The following GALNT18 variants were observed in gnomAD, a reference collection of about 807,000 sequenced individuals.
GALNT18 encodes GalNAc-transferase 18.
In GALNT18, 44 loss-of-function variants were observed where a neutral mutation model predicts 69.5. That is an observed-to-expected ratio of 0.63 (90% CI 0.50 to 0.81). The LOEUF is 0.81. Among genes scored for constraint, GALNT18 ranks in the 40% least tolerant of loss-of-function variants. The pLI is 0.00. For synonymous variants in GALNT18, 364 were observed against 318.2 expected (o/e 1.14, Z -1.53); for missense variants, 715 against 810.0 (o/e 0.88, Z 1.42).
intron 7 of GALNT18, among the ~76,000 whole-genome samples, chr11:11,334,253 A>C (rs116860983): frequency 0.038 from 5,735 of 152,196 alleles, 156 homozygotes; most frequent in South Asian, 0.083. Flanking sequence ...GTGAAAACAC[A>C]ATTTAGGGGC....
At chr11:11,460,565 C>A (rs1856016919) in intron 1 of GALNT18, among the ~76,000 whole-genome samples, 1 of 152,204 alleles carries the variant, frequency 6.6e-6, no homozygotes, top group African/African-American at 2.4e-5. Context: ...TCCTCCCTGA[C>A]CTTGAAGCCC....
At chr11:11,417,853 G>A (rs1475746995) in intron 3 of GALNT18, among the ~76,000 whole-genome samples, 2 of 152,166 alleles carry the variant, frequency 1.3e-5, no homozygotes, top group African/African-American at 2.4e-5. Context: ...GAGCCTCAGC[G>A]TTCTCATCTG....
intron 1 of GALNT18, among the ~76,000 whole-genome samples, chr11:11,593,207 T>A (rs1461900312): frequency 6.6e-6 from 1 of 152,242 alleles, no homozygotes; most frequent in African/African-American, 2.4e-5. Flanking sequence ...CAGCTCCCTT[T>A]AGGCAAGACG....
intron 10 of GALNT18, among the ~76,000 whole-genome samples, chr11:11,278,804 ATAAT>A (rs1849003648): frequency 1.3e-5 from 2 of 152,218 alleles, no homozygotes; most frequent in Admixed American, 6.5e-5. Context: ...CAGGGTAACT[ATAAT>A]TAATAATAAT....
rs1232671446 is a variant in GALNT18 at position 11,573,784 on chromosome 11, C to G, written c.235+47575G>C. The G allele has an allele frequency of 6.6e-6, 1 of 152,336 alleles. No individual in the cohort carries two copies. Among genetic ancestry groups the G allele is most frequent in the Non-Finnish European group, 1.5e-5 (1 of 68,130 alleles). 9.4% of individuals were successfully genotyped at this position (152,336 alleles called of 1,614,324 possible). On this transcript the variant is annotated intron_variant, in intron 1 of 10. Coordinates refer to ENST00000227756, the MANE Select transcript of GALNT18 (RefSeq NM_198516.3). The surrounding 1 kb of genome is among the most constrained non-coding windows in gnomAD (Gnocchi z 4.6). ...TAAACCCACTTGGAAGATGCCCATG[C>G]ATGAGCGTCGACGGTGACTTCCCGA...
rs762333271 is a variant in GALNT18 at position 11,415,404 on chromosome 11, T to C, written c.595+17217A>G. 1.5e-4 allele frequency among the ~76,000 whole-genome samples: 23 copies of C among 152,146 alleles called. No homozygotes were observed. Among genetic ancestry groups the C allele is most frequent in the Non-Finnish European group, 3.2e-4 (22 of 68,022 alleles). On this transcript the variant is annotated intron_variant, in intron 3 of 10. Transcript: ENST00000227756. The surrounding 1 kb of genome is among the most constrained non-coding windows in gnomAD (Gnocchi z 4.1). ...AATAAATAGTTGCCGAATGAGAAAA[T>C]AACGTGTCCTTGTAGCCACCTACTT... is the stretch of plus-strand genomic sequence containing the variant.
intron 9 of GALNT18, among the ~76,000 whole-genome samples, chr11:11,293,540 T>TTCC (rs1554911571): frequency 9.5e-6 from 1 of 105,070 alleles, no homozygotes; most frequent in Non-Finnish European, 2.1e-5. Context: ...CCTCTTTTTT[T>TTCC]TTTTTTTTTT....
chr11:11,372,014 T>A lies in GALNT18; in HGVS notation c.1092+501A>T, dbSNP rs1445793565. 1.3e-5 allele frequency among the ~76,000 whole-genome samples: 2 copies of A among 152,188 alleles called. No individual in the cohort carries two copies. The highest frequency in any genetic ancestry group is 2.9e-5 in the Non-Finnish European group (2 of 68,026). On this transcript the variant is annotated intron_variant, in intron 6 of 10. Transcript: ENST00000227756. The surrounding 1 kb of genome is among the most constrained non-coding windows in gnomAD (Gnocchi z 4.9). ...TAGCACCTGGGATCAGAAAGCAGCC[T>A]GCAGTGAGCCTGGCTGCATCTTGCT...
intron 1 of GALNT18, among the ~76,000 whole-genome samples, chr11:11,557,691 T>A (rs1015526549): frequency 6.6e-6 from 1 of 152,096 alleles, no homozygotes; most frequent in Non-Finnish European, 1.5e-5. Context: ...CCCTACTATA[T>A]GGAAGGGGAA....
At chr11:11,528,625 G>T (rs747481540) in intron 1 of GALNT18, among the ~76,000 whole-genome samples, 4 of 152,218 alleles carry the variant, frequency 2.6e-5, no homozygotes, top group Non-Finnish European at 5.9e-5. Flanking sequence ...CAAGCATGTG[G>T]ATGATGGGCT....
rs1856048775 is a variant in GALNT18, at chr11:11,461,761, T to C, written c.236-12825A>G. The stretch of plus-strand genomic sequence containing the variant: ...GACACACGGATGGGAACAGCTGGGC[T>C]AGACAGGGAGAAAGCAGTGTGGCCC... On this transcript the variant is annotated intron_variant, in intron 1 of 10. Coordinates refer to ENST00000227756, the MANE Select transcript of GALNT18 (RefSeq NM_198516.3). The surrounding 1 kb of genome is among the most constrained non-coding windows in gnomAD (Gnocchi z 4.1). 6.6e-6 allele frequency among the ~76,000 whole-genome samples: 1 copy of C among 152,224 alleles called. No individual in the cohort carries two copies.
chr11:11,518,116 G>A (rs557034298), intron 1 of GALNT18, among the ~76,000 whole-genome samples: 24 of 152,238 alleles, frequency 1.6e-4, no homozygotes, highest in Non-Finnish European at 2.6e-4. Context: ...ATAAAACCAG[G>A]CTGCAGAGAA....
intron 9 of GALNT18, among the ~76,000 whole-genome samples, chr11:11,296,834 G>C (rs1564885020): frequency 6.6e-6 from 1 of 152,178 alleles, no homozygotes; most frequent in Admixed American, 6.5e-5. Flanking sequence ...CACAGAGGGA[G>C]GTTCGGCAAA....
intron 1 of GALNT18, among the ~76,000 whole-genome samples, chr11:11,498,262 G>T (rs1856907186): frequency 6.6e-6 from 1 of 152,098 alleles, no homozygotes; most frequent in African/African-American, 2.4e-5. Flanking sequence ...ATATTTTACT[G>T]GGTCACTCAA....
intron 3 of GALNT18, among the ~76,000 whole-genome samples, chr11:11,381,588 G>C (rs2133695901): frequency 6.6e-6 from 1 of 152,326 alleles, no homozygotes; most frequent in South Asian, 2.1e-4. Flanking sequence ...GCTGGACCGT[G>C]ACACAGCAGG....
intron 8 of GALNT18, among the ~76,000 whole-genome samples, chr11:11,331,104 T>C (rs1850010660): frequency 6.6e-6 from 1 of 152,204 alleles, no homozygotes; most frequent in Non-Finnish European, 1.5e-5. Context: ...AGGATGGTTC[T>C]GGGGAGGTGA....
chr11:11,420,033 G>A (rs1296113941), intron 3 of GALNT18, among the ~76,000 whole-genome samples: 2 of 152,184 alleles, frequency 1.3e-5, no homozygotes, highest in South Asian at 2.1e-4. Context: ...CTGTGGGCTT[G>A]AGCAGAGAGG....
chr11:11,290,905 C>T (rs1489196538), intron 10 of GALNT18, among the ~76,000 whole-genome samples: 3 of 152,166 alleles, frequency 2.0e-5, no homozygotes, highest in African/African-American at 4.8e-5. Flanking sequence ...CAGCCCCACT[C>T]ACCTCCACGG....
rs1854317526 is a variant in GALNT18, at chr11:11,396,002, G to A, written c.596-16738C>T. On this transcript the variant is annotated intron_variant, in intron 3 of 10. Coordinates refer to ENST00000227756, the MANE Select transcript of GALNT18 (RefSeq NM_198516.3). The surrounding 1 kb of genome is among the most constrained non-coding windows in gnomAD (Gnocchi z 5.2). ...GAGATGGGGAGGGGAGAGGGAGGGG[G>A]GACACAGCCAGGTGGGAGAGGTGCC... Among the ~76,000 whole-genome samples the A allele has an allele frequency of 1.3e-5, 2 of 152,134 alleles. No individual in the cohort carries two copies. The highest frequency in any genetic ancestry group is 4.8e-5 in the African/African-American group (2 of 41,434).
Sources: allele counts gnomAD v4.1 joint callset (sites outside exome capture counted in the v4.1 genomes callset), GRCh38; gene constraint gnomAD v4.1.1; non-coding constraint Gnocchi (gnomAD v3.1); transcripts MANE v1.5; gene names NCBI Gene and HGNC (gene_info 2026-07-23, HGNC 2026-07-21).